SNTG1: variants seen among roughly 807,000 people sequenced by gnomAD.
SNTG1 encodes gamma-1-syntrophin.
SNTG1 carries 39 observed loss-of-function variants against 74.7 expected under a neutral mutation model. That is an observed-to-expected ratio of 0.52 (90% CI 0.40 to 0.68). The LOEUF (loss-of-function observed/expected upper bound fraction) is 0.68. Among genes scored for constraint, SNTG1 ranks in the 30% least tolerant of loss-of-function variants. The pLI, the probability that SNTG1 is intolerant of heterozygous loss-of-function variation, is 0.00. For synonymous variants in SNTG1, 254 were observed against 217.1 expected (o/e 1.17, Z -1.49); for missense variants, 685 against 609.5 (o/e 1.12, Z -1.30).
intron 2 of SNTG1, among the ~76,000 whole-genome samples, chr8:50,251,162 A>G (rs73577272): frequency 6.6e-6 from 1 of 152,072 alleles, no homozygotes; most frequent in Non-Finnish European, 1.5e-5. Flanking sequence ...AGGCCACTAT[A>G]CCTATAAGAC....
chr8:50,420,472 T>C (rs1215191912), intron 4 of SNTG1, among the ~76,000 whole-genome samples: 2 of 151,988 alleles, frequency 1.3e-5, no homozygotes, highest in African/African-American at 4.8e-5. Flanking sequence ...TCATAAGATA[T>C]AAGAAATATA....
intron 15 of SNTG1, among the ~76,000 whole-genome samples, chr8:50,691,881 A>T (rs1396711621): frequency 1.3e-5 from 2 of 152,020 alleles, no homozygotes; most frequent in Non-Finnish European, 2.9e-5. Flanking sequence ...CACTTTCAGG[A>T]ACACCAATCA....
At chr8:49,964,161 T>C (rs1563403283) in intron 1 of SNTG1, among the ~76,000 whole-genome samples, 1 of 152,188 alleles carries the variant, frequency 6.6e-6, no homozygotes, top group Non-Finnish European at 1.5e-5. Flanking sequence ...TTAGATGAGG[T>C]TAATATTTGA....
intron 1 of SNTG1, among the ~76,000 whole-genome samples, chr8:49,968,879 G>T (rs1811388086): frequency 6.6e-6 from 1 of 152,074 alleles, no homozygotes; most frequent in Non-Finnish European, 1.5e-5. Context: ...TCTTTCCCTT[G>T]GACTGATGAG....
intron 2 of SNTG1, among the ~76,000 whole-genome samples, chr8:50,183,870 C>A (rs911335999): frequency 3.3e-5 from 5 of 152,100 alleles, no homozygotes; most frequent in African/African-American, 7.2e-5. Flanking sequence ...TATTTAATAA[C>A]CTTGCCTTAA....
At chr8:50,285,822 A>T (rs979359897) in intron 2 of SNTG1, among the ~76,000 whole-genome samples, 7 of 152,132 alleles carry the variant, frequency 4.6e-5, no homozygotes, top group Non-Finnish European at 8.8e-5. Flanking sequence ...TCCAAAAAAA[A>T]AAAAACAAAG....
intron 2 of SNTG1, among the ~76,000 whole-genome samples, chr8:50,356,333 G>A (rs2091815966): frequency 6.6e-6 from 1 of 152,112 alleles, no homozygotes; most frequent in African/African-American, 2.4e-5. Flanking sequence ...AGAAGTATGA[G>A]TCAGGGTGCC....
In SNTG1 at chr8:50,594,942, A is replaced by C. The variant is rs749783772; in HGVS notation, c.849+4025A>C. ...TTTCTCTGGCAATATGTTGGCTTAC[A>C]TAATAATGATGCATACCCTAAAATT... On this transcript the variant is annotated intron_variant, in intron 13 of 18. Coordinates refer to ENST00000642720, the MANE Select transcript of SNTG1 (RefSeq NM_018967.5). Among the ~76,000 whole-genome samples, 84 of 148,328 alleles carry C rather than the reference A, an allele frequency of 5.7e-4. 1 individual carries two copies. The highest frequency in any genetic ancestry group is 1.8e-4 in the Non-Finnish European group (12 of 67,948).
intron 1 of SNTG1, among the ~76,000 whole-genome samples, chr8:50,008,066 A>G (rs930870856): frequency 6.6e-6 from 1 of 152,100 alleles, no homozygotes; most frequent in Admixed American, 6.5e-5. Flanking sequence ...CCCTCAACAC[A>G]TGGTAATTAC....
At chr8:50,730,358 G>A (rs1440512400) in intron 17 of SNTG1, among the ~76,000 whole-genome samples, 2 of 152,128 alleles carry the variant, frequency 1.3e-5, no homozygotes, top group African/African-American at 2.4e-5. Context: ...AATCAAATTA[G>A]TGAAAGCACA....
intron 1 of SNTG1, among the ~76,000 whole-genome samples, chr8:49,933,584 A>G (rs1807787594): frequency 6.6e-6 from 1 of 152,204 alleles, no homozygotes; most frequent in South Asian, 2.1e-4. Context: ...CAGTTGTTCC[A>G]GCACCATTTG....
chr8:50,764,922 G>A (rs73677508), intron 18 of SNTG1, among the ~76,000 whole-genome samples: 3,022 of 152,072 alleles, frequency 0.02, 93 homozygotes, highest in African/African-American at 0.065. Flanking sequence ...TATGGTATAT[G>A]TATACATAAT....
intron 1 of SNTG1, among the ~76,000 whole-genome samples, chr8:49,938,496 A>G (rs1808291326): frequency 6.6e-6 from 1 of 151,930 alleles, no homozygotes; most frequent in Non-Finnish European, 1.5e-5. Flanking sequence ...CCAGTGCCAA[A>G]AGGTGCATTT....
At chr8:50,115,775 A>AT (rs1004749305) in intron 1 of SNTG1, among the ~76,000 whole-genome samples, 3 of 151,784 alleles carry the variant, frequency 2.0e-5, no homozygotes, top group African/African-American at 7.3e-5. Flanking sequence ...TTTAGAGATC[A>AT]TTTTTTTGCA....
chr8:50,563,556 G>T (rs892815474), intron 12 of SNTG1, among the ~76,000 whole-genome samples: 3 of 152,040 alleles, frequency 2.0e-5, no homozygotes, highest in Non-Finnish European at 4.4e-5. Context: ...CTCTCATAAT[G>T]AAATGTCTGA....
intron 1 of SNTG1, among the ~76,000 whole-genome samples, chr8:50,156,256 A>G (rs1204670987): frequency 6.6e-6 from 1 of 152,130 alleles, no homozygotes; most frequent in Non-Finnish European, 1.5e-5. Context: ...AGGAGAGGAA[A>G]CATTCCCAAT....
At chr8:50,392,809 A>T (rs1429814984) in intron 2 of SNTG1, among the ~76,000 whole-genome samples, 1 of 152,202 alleles carries the variant, frequency 6.6e-6, no homozygotes, top group Non-Finnish European at 1.5e-5. Flanking sequence ...GTGCCATGTT[A>T]TGAAATAATT....
At chr8:50,433,110 T>C (rs1035999409) in intron 4 of SNTG1, among the ~76,000 whole-genome samples, 4 of 152,178 alleles carry the variant, frequency 2.6e-5, no homozygotes, top group African/African-American at 9.6e-5. Context: ...TCCCTTTTAG[T>C]ATGTGTTATT....
intron 15 of SNTG1, among the ~76,000 whole-genome samples, chr8:50,672,226 T>A (rs966991725): frequency 6.6e-6 from 1 of 151,970 alleles, no homozygotes; most frequent in Non-Finnish European, 1.5e-5. Flanking sequence ...GATCAAATGG[T>A]ATTTCTGATG....
Sources: allele counts gnomAD v4.1 joint callset (sites outside exome capture counted in the v4.1 genomes callset), GRCh38; gene constraint gnomAD v4.1.1; transcripts MANE v1.5; gene names NCBI Gene and HGNC (gene_info 2026-07-23, HGNC 2026-07-21).